AGL: variants seen among roughly 807,000 people sequenced by gnomAD.
AGL encodes glycogen debranching enzyme.
In AGL, 128 loss-of-function variants were observed where a neutral mutation model predicts 199.3. The observed-to-expected ratio is 0.64, with a 90% confidence interval of 0.56 to 0.74. AGL has a LOEUF of 0.74. Ranked by LOEUF, AGL falls within the 30% of genes least tolerant of loss-of-function variation. AGL has a pLI of 0.00. For missense variants in AGL, 1,809 were observed against 1,820.8 expected, an observed-to-expected ratio of 0.99 and a Z score of 0.12; for synonymous variants, 584 against 594.7, an observed-to-expected ratio of 0.98 and a Z score of 0.26.
chr1:99,907,235 G>A (rs991143593), intron 27 of AGL, among the ~76,000 whole-genome samples: 1 of 152,090 alleles, frequency 6.6e-6, no homozygotes, highest in Admixed American at 6.6e-5. Flanking sequence ...ACTTGTAGAA[G>A]TTTCTTATAT....
At chr1:99,859,688 G>A (rs146128009) in intron 2 of AGL, among the ~76,000 whole-genome samples, 12 of 152,116 alleles carry the variant, frequency 7.9e-5, no homozygotes, top group Admixed American at 7.2e-4. Context: ...GGGATTACAG[G>A]TGCACACCAC....
chr1:99,887,496 T>A (rs1156350166), intron 20 of AGL, among the ~76,000 whole-genome samples: 3 of 152,214 alleles, frequency 2.0e-5, no homozygotes, highest in Admixed American at 2.0e-4. Context: ...CAATTAACTT[T>A]GACTTTTTAT....
chr1:99,856,171 T>A (rs1649398523), intron 2 of AGL, among the ~76,000 whole-genome samples: 1 of 152,200 alleles, frequency 6.6e-6, no homozygotes, highest in South Asian at 2.1e-4. Flanking sequence ...TCTCTGATGT[T>A]TCATTTACTG....
At chr1:99,858,903 G>A (rs1649797651) in intron 2 of AGL, among the ~76,000 whole-genome samples, 1 of 151,682 alleles carries the variant, frequency 6.6e-6, no homozygotes, top group African/African-American at 2.4e-5. Flanking sequence ...CATAATCTAT[G>A]AGAACATCAT....
intron 33 of AGL, 52 bp downstream of exon 33, chr1:99,916,783 T>G (rs1655152431): frequency 6.3e-7 from 1 of 1,575,738 alleles, no homozygotes; most frequent in Admixed American, 1.7e-5. Flanking sequence ...GTCAGTTTAT[T>G]AGCTATTAGG....
intron 7 of AGL, among the ~76,000 whole-genome samples, chr1:99,871,364 G>A (rs17121414): frequency 0.025 from 3,751 of 150,518 alleles, 66 homozygotes; most frequent in South Asian, 0.071. Flanking sequence ...AAAAGGTAAC[G>A]AAGTGAGTCT....
chr1:99,857,637 C>G (rs1404246258), intron 2 of AGL, among the ~76,000 whole-genome samples: 4 of 151,448 alleles, frequency 2.6e-5, no homozygotes, highest in Non-Finnish European at 5.9e-5. Flanking sequence ...CAGCGAAACC[C>G]CGTCTCCACC....
chr1:99,872,872 C>A (rs1431263793), intron 7 of AGL, among the ~76,000 whole-genome samples: 1 of 152,152 alleles, frequency 6.6e-6, no homozygotes, highest in Non-Finnish European at 1.5e-5. Flanking sequence ...TATTTTTACA[C>A]CTTGATTAGC....
intron 2 of AGL, among the ~76,000 whole-genome samples, chr1:99,856,292 ATCCCTTCCTTCCTTCCTCCC>A (rs1317681795): frequency 6.1e-5 from 8 of 131,126 alleles, no homozygotes; most frequent in Non-Finnish European, 1.1e-4. Flanking sequence ...AAAATATAAC[ATCCCTTCCTTCCTTCCTCCC>A]TCCCTCCCTT....
chr1:99,917,485 C>A (rs900687536), intron 33 of AGL, among the ~76,000 whole-genome samples: 2 of 152,148 alleles, frequency 1.3e-5, no homozygotes, highest in Admixed American at 6.5e-5. Flanking sequence ...TACATAGTAG[C>A]ATGTAATCGG....
chr1:99,882,671 C>G lies in AGL; in HGVS notation c.2308+980C>G, dbSNP rs551273936. On this transcript the variant is annotated intron_variant, in intron 17 of 33. Coordinates refer to ENST00000361915, the MANE Select transcript of AGL (RefSeq NM_000642.3). ...TATAAAATACATCCCTGAGATATGT[C>G]CTTAATATTACTTGATTTTTTTCTG... 3.3e-5 allele frequency among the ~76,000 whole-genome samples: 5 copies of G among 152,170 alleles called. No individual in the cohort carries two copies. The East Asian group carries it at 7.7e-4, about 23-fold the overall frequency.
intron 2 of AGL, among the ~76,000 whole-genome samples, chr1:99,851,383 T>C (rs892081935): frequency 6.6e-6 from 1 of 152,210 alleles, no homozygotes; most frequent in African/African-American, 2.4e-5. Flanking sequence ...CACTTAAGAT[T>C]GAAGTTAAAT....
intron 11 of AGL, among the ~76,000 whole-genome samples, 171 bp downstream of exon 11, chr1:99,876,768 A>G (rs1398095711): frequency 6.6e-6 from 1 of 152,226 alleles, no homozygotes; most frequent in Admixed American, 6.5e-5. Context: ...GGAGCCAACA[A>G]AAAAAGAAGT....
At chr1:99,849,879 C>A (rs1187979091), upstream of AGL, among the ~76,000 whole-genome samples, 2 of 152,190 alleles carry the variant, frequency 1.3e-5, no homozygotes, top group South Asian at 4.1e-4. Context: ...GCCGGTACCG[C>A]GGGATTTTAA....
intron 2 of AGL, among the ~76,000 whole-genome samples, chr1:99,853,515 C>G (rs1311879153): frequency 1.3e-5 from 2 of 152,202 alleles, no homozygotes; most frequent in African/African-American, 2.4e-5. Context: ...ACACAATGAG[C>G]ACAGAACTAT....
chr1:99,876,361 A>T, intron 10 of AGL, 97 bp from the exon 11 acceptor site: 5 of 941,800 alleles, frequency 5.3e-6, no homozygotes, highest in Non-Finnish European at 6.3e-6. Flanking sequence ...ATTTTATTCT[A>T]TTCATTAGAA....
chr1:99,885,043 T>C (rs950442516), intron 20 of AGL, among the ~76,000 whole-genome samples: 1 of 152,222 alleles, frequency 6.6e-6, no homozygotes, highest in African/African-American at 2.4e-5. Flanking sequence ...TTTTTAAAAA[T>C]GTCAACATAT....
intron 24 of AGL, among the ~76,000 whole-genome samples, chr1:99,894,442 G>A (rs1653148115): frequency 6.6e-6 from 1 of 152,120 alleles, no homozygotes; most frequent in Non-Finnish European, 1.5e-5. Context: ...ATGGGTCAGA[G>A]TACCAGGAAG....
chr1:99,856,295 C>A (rs1200049691), intron 2 of AGL, among the ~76,000 whole-genome samples: 1 of 131,634 alleles, frequency 7.6e-6, no homozygotes, highest in African/African-American at 3.0e-5. Flanking sequence ...ATATAACATC[C>A]CTTCCTTCCT....
Sources: gnomAD v4.1 joint callset for allele counts (sites outside exome capture counted in the v4.1 genomes callset) on GRCh38, gnomAD v4.1.1 for gene constraint, MANE v1.5 for transcripts, NCBI Gene and HGNC (gene_info 2026-07-23, HGNC 2026-07-21) for gene names.